FGF13: variants seen among roughly 807,000 people sequenced by gnomAD.
FGF13 encodes fibroblast growth factor homologous factor 2.
In FGF13, 2 loss-of-function variants were observed where a neutral mutation model predicts 19.5. The observed-to-expected ratio is 0.10, with a 90% confidence interval of 0.04 to 0.32. The LOEUF (loss-of-function observed/expected upper bound fraction) is 0.32. Among genes scored for constraint, FGF13 ranks in the 10% least tolerant of loss-of-function variants. The pLI, the probability that FGF13 is intolerant of heterozygous loss-of-function variation, is 1.00. For synonymous variants in FGF13, 72 were observed against 76.9 expected (o/e 0.94, Z 0.33); for missense variants, 113 against 192.7 (o/e 0.59, Z 2.45).
intron 1 of FGF13, among the ~76,000 whole-genome samples, chrX:138,721,606 C>T (rs1569374783): frequency 9.1e-6 from 1 of 110,468 alleles, no homozygotes; most frequent in African/African-American, 3.3e-5. Context: ...TAGTCTCTCC[C>T]TCATGATTCC....
At chrX:138,755,087 T>C (rs888992776) in intron 3 of FGF13, among the ~76,000 whole-genome samples, 2 of 111,843 alleles carry the variant, frequency 1.8e-5, no homozygotes, top group Non-Finnish European at 1.9e-5. Flanking sequence ...GGGGTGATCT[T>C]AGAAGCCTCC....
intron 3 of FGF13, among the ~76,000 whole-genome samples, chrX:138,775,353 A>G (rs1323640665): frequency 1.8e-5 from 2 of 112,221 alleles, no homozygotes; most frequent in Non-Finnish European, 3.8e-5. Flanking sequence ...TACTACTGAT[A>G]AGGCCAGGAC....
chrX:139,204,244 T>C (rs2084445230), upstream of FGF13: 3 of 570,653 alleles, frequency 5.3e-6, no homozygotes, highest in South Asian at 8.4e-5. Flanking sequence ...AATCCGCTTT[T>C]CCCCACCGCT....
Position 138,910,650 on chromosome X carries a change from A to G in FGF13, c.-112-46000T>C, listed in dbSNP as rs776099516. On this transcript the variant is annotated intron_variant, in intron 1 of 2. Coordinates refer to the FGF13 transcript ENST00000421460. Reference sequence around the variant, plus strand: ...TGCTATAAAACAGCAAGAGAAATATACTTTGGCTCTATGGAAACCCAGGTG... The same window carrying G: ...TGCTATAAAACAGCAAGAGAAATATGCTTTGGCTCTATGGAAACCCAGGTG... Among the ~76,000 whole-genome samples, 8 of 112,414 alleles carry G rather than the reference A, an allele frequency of 7.1e-5. No individual in the cohort carries two copies. In the East Asian group the frequency reaches 2.2e-3, roughly 32 times the overall value.
At chrX:138,919,250 A>G (rs768740409) in intron 1 of FGF13, among the ~76,000 whole-genome samples, 1 of 111,881 alleles carries the variant, frequency 8.9e-6, no homozygotes, top group South Asian at 3.7e-4. Context: ...AAGAACTCTA[A>G]CAAATCAGCA....
At chrX:138,789,581 C>A (rs1368521147) in intron 3 of FGF13, among the ~76,000 whole-genome samples, 1 of 111,142 alleles carries the variant, frequency 9.0e-6, no homozygotes, top group Non-Finnish European at 1.9e-5. Context: ...AGTCCCTTCA[C>A]CACCAGCTTC....
chrX:139,179,012 A>G (rs1035643930), intron 1 of FGF13, among the ~76,000 whole-genome samples: 3 of 112,415 alleles, frequency 2.7e-5, no homozygotes, highest in Non-Finnish European at 3.8e-5. Flanking sequence ...TCTTGCTTTT[A>G]AAAATACATT....
intron 3 of FGF13, among the ~76,000 whole-genome samples, chrX:138,783,989 A>G (rs749558856): frequency 0.029 from 2,951 of 101,603 alleles, 90 homozygotes; most frequent in African/African-American, 0.082. Flanking sequence ...GCAGCCATAA[A>G]AAATGATGAG....
rs1267797193 is a variant in FGF13, at chrX:138,838,821, C to T, written c.217+18691G>A. On this transcript the variant is annotated intron_variant, in intron 3 of 6. Coordinates refer to the FGF13 transcript ENST00000436198. ...CTGAGGAATTTGCCTCCCTGAGTCT[C>T]ACCCATATATGACTTAGATGAGACT... Among the ~76,000 whole-genome samples, 4 of 111,539 alleles carry T rather than the reference C, an allele frequency of 3.6e-5. No homozygotes were observed. In the East Asian group the frequency reaches 1.1e-3, roughly 31 times the overall value.
intron 3 of FGF13, among the ~76,000 whole-genome samples, chrX:138,638,973 C>G (rs945664158): frequency 4.5e-5 from 5 of 111,281 alleles, no homozygotes; most frequent in African/African-American, 6.6e-5. Flanking sequence ...CTCAAAAACT[C>G]AGTAAAGAGG....
At chrX:139,025,573 G>C (rs945994495) in intron 1 of FGF13, among the ~76,000 whole-genome samples, 1 of 111,410 alleles carries the variant, frequency 9.0e-6, no homozygotes, top group Admixed American at 9.5e-5. Flanking sequence ...TGTGGCATTG[G>C]TCTTCAAGTC....
chrX:138,773,047 A>T (rs2090560270), intron 3 of FGF13, among the ~76,000 whole-genome samples: 1 of 110,153 alleles, frequency 9.1e-6, no homozygotes, highest in Admixed American at 9.7e-5. Flanking sequence ...AAAAAAAAAA[A>T]ATAAAAATAT....
At chrX:138,816,367 A>T (rs759039110) in intron 3 of FGF13, among the ~76,000 whole-genome samples, 2 of 112,274 alleles carry the variant, frequency 1.8e-5, no homozygotes, top group Non-Finnish European at 3.8e-5. Context: ...AACAGGCACA[A>T]TTCCTATTGC....
At chrX:138,983,740 T>C (rs183006656) in intron 1 of FGF13, among the ~76,000 whole-genome samples, 92 of 111,342 alleles carry the variant, frequency 8.3e-4, no homozygotes, top group Non-Finnish European at 1.4e-3. Context: ...ATGTTCATTA[T>C]AGTATTATTC....
At chrX:138,650,784 C>T (rs1226402016) in intron 3 of FGF13, among the ~76,000 whole-genome samples, 1 of 111,552 alleles carries the variant, frequency 9.0e-6, no homozygotes, top group Non-Finnish European at 1.9e-5. Flanking sequence ...TCTCTTCTAG[C>T]TTTTTGAAAC....
At chrX:138,779,271 A>G (rs1192498446) in intron 3 of FGF13, among the ~76,000 whole-genome samples, 1 of 111,637 alleles carries the variant, frequency 9.0e-6, no homozygotes, top group Non-Finnish European at 1.9e-5. Context: ...TCCTCCTCCA[A>G]AGGAACCCAG....
At chrX:139,120,094 G>A (rs908940803) in intron 1 of FGF13, among the ~76,000 whole-genome samples, 2 of 112,221 alleles carry the variant, frequency 1.8e-5, no homozygotes, top group Non-Finnish European at 1.9e-5. Context: ...GAGCTCACTC[G>A]CTGTCTCTCC....
chrX:138,832,318 A>G (rs2091079952), intron 3 of FGF13, among the ~76,000 whole-genome samples: 1 of 111,999 alleles, frequency 8.9e-6, no homozygotes, highest in Non-Finnish European at 1.9e-5. Context: ...CCTTGCCAGC[A>G]TCAGGTATTT....
At chrX:139,047,267 G>T (rs1258594607) in intron 1 of FGF13, among the ~76,000 whole-genome samples, 3 of 112,347 alleles carry the variant, frequency 2.7e-5, no homozygotes, top group Non-Finnish European at 5.6e-5. Context: ...CCAGGCTGTG[G>T]ATAGTGCATG....
Sources: allele counts gnomAD v4.1 joint callset (sites outside exome capture counted in the v4.1 genomes callset), GRCh38; gene constraint gnomAD v4.1.1; transcripts MANE v1.5; gene names NCBI Gene and HGNC (gene_info 2026-07-23, HGNC 2026-07-21).